Variants in PITPNC1 observed in about 807,000 individuals in gnomAD.
PITPNC1 encodes phosphatidylinositol transfer protein cytoplasmic 1, also known as cytoplasmic phosphatidylinositol transfer protein 1.
In PITPNC1, 18 loss-of-function variants were observed where a neutral mutation model predicts 44.7. The ratio of observed to expected loss-of-function variants is 0.40; its 90% CI spans 0.28 to 0.60. The LOEUF is 0.60. Among genes scored for constraint, PITPNC1 ranks in the 20% least tolerant of loss-of-function variants. PITPNC1 has a pLI of 0.39. For synonymous variants in PITPNC1, 141 were observed against 149.6 expected, an observed-to-expected ratio of 0.94 and a Z score of 0.42; for missense variants, 290 against 418.4, an observed-to-expected ratio of 0.69 and a Z score of 2.68.
intron 4 of PITPNC1, among the ~76,000 whole-genome samples, chr17:67,565,957 A>T (rs1470252800): frequency 1.3e-5 from 2 of 148,218 alleles, no homozygotes; most frequent in African/African-American, 5.0e-5. Flanking sequence ...TTTTCCATGT[A>T]TTTCAGTGTG....
intron 7 of PITPNC1, among the ~76,000 whole-genome samples, chr17:67,674,060 A>G (rs1174749529): frequency 6.6e-6 from 1 of 151,982 alleles, no homozygotes; most frequent in Non-Finnish European, 1.5e-5. Flanking sequence ...AGGTGTAAAC[A>G]TTTAGGGGGT....
intron 1 of PITPNC1, among the ~76,000 whole-genome samples, chr17:67,501,072 A>C (rs889708367): frequency 1.3e-5 from 2 of 152,146 alleles, no homozygotes; most frequent in Non-Finnish European, 2.9e-5. Context: ...AATGTTGGAC[A>C]CCAGTAAACA....
chr17:67,433,387 A>AT (rs2038885911), intron 1 of PITPNC1, among the ~76,000 whole-genome samples: 1 of 152,202 alleles, frequency 6.6e-6, no homozygotes, highest in African/African-American at 2.4e-5. Flanking sequence ...GCGCACAAAC[A>AT]CGGCTGTGCT....
intron 1 of PITPNC1, among the ~76,000 whole-genome samples, chr17:67,528,610 G>GA (rs1273752385): frequency 6.6e-6 from 1 of 152,124 alleles, no homozygotes; most frequent in Non-Finnish European, 1.5e-5. Context: ...TATAAAGGAG[G>GA]AAAAAAGAAA....
At chr17:67,552,750 G>A (rs2040784338) in intron 3 of PITPNC1, among the ~76,000 whole-genome samples, 1 of 149,678 alleles carries the variant, frequency 6.7e-6, no homozygotes, top group African/African-American at 2.5e-5. Context: ...GGAGGTTGCA[G>A]TGAGCCAAGA....
At chr17:67,688,167 C>T (rs1334284478) in intron 8 of PITPNC1, among the ~76,000 whole-genome samples, 2 of 150,884 alleles carry the variant, frequency 1.3e-5, no homozygotes, top group African/African-American at 2.4e-5. Context: ...GGAGAAACCT[C>T]GTCTCTACTT....
chr17:67,667,108 G>A (rs1230808993), intron 6 of PITPNC1, among the ~76,000 whole-genome samples: 1 of 152,204 alleles, frequency 6.6e-6, no homozygotes, highest in African/African-American at 2.4e-5. Flanking sequence ...TCAGCCTGTA[G>A]ACTCCGCTGT....
intron 1 of PITPNC1, among the ~76,000 whole-genome samples, chr17:67,524,273 T>C (rs531458909): frequency 6.6e-6 from 1 of 152,050 alleles, no homozygotes; most frequent in Non-Finnish European, 1.5e-5. Context: ...CAAGATACCA[T>C]CTCTACAGAA....
At chr17:67,611,193 A>G (rs919318533) in intron 5 of PITPNC1, 1 of 152,228 alleles carries the variant, frequency 6.6e-6, no homozygotes, top group Non-Finnish European at 1.5e-5. Context: ...GCATAGATGA[A>G]TGAGATATAT....
At chr17:67,566,857 A>G (rs754536368) in intron 4 of PITPNC1, among the ~76,000 whole-genome samples, 19 of 152,182 alleles carry the variant, frequency 1.2e-4, no homozygotes, top group Non-Finnish European at 2.2e-4. Flanking sequence ...AAGAATCAGC[A>G]TGAGATCACA....
At chr17:67,688,199 G>A (rs1468807569) in intron 8 of PITPNC1, among the ~76,000 whole-genome samples, 1 of 151,584 alleles carries the variant, frequency 6.6e-6, no homozygotes, top group Non-Finnish European at 1.5e-5. Context: ...TTAGCTGGGT[G>A]TGGTGGCGCA....
chr17:67,510,074 G>A (rs988050064), intron 1 of PITPNC1, among the ~76,000 whole-genome samples: 4 of 152,226 alleles, frequency 2.6e-5, no homozygotes, highest in Non-Finnish European at 5.9e-5. Flanking sequence ...CTTCCAGTCA[G>A]TATCTTAGAT....
chr17:67,481,132 A>G (rs2039695820), intron 1 of PITPNC1, among the ~76,000 whole-genome samples: 1 of 152,224 alleles, frequency 6.6e-6, no homozygotes, highest in South Asian at 2.1e-4. Context: ...CCTTGAACCC[A>G]GGAGGCGGAG....
chr17:67,546,583 T>C (rs565332367), intron 2 of PITPNC1, among the ~76,000 whole-genome samples: 3 of 152,346 alleles, frequency 2.0e-5, no homozygotes, highest in African/African-American at 7.2e-5. Context: ...GTGTCCTGTG[T>C]CGCCTTGCCA....
intron 1 of PITPNC1, among the ~76,000 whole-genome samples, chr17:67,477,004 T>C (rs185026439): frequency 6.6e-6 from 1 of 152,334 alleles, no homozygotes; most frequent in East Asian, 1.9e-4. Flanking sequence ...TTCCTGTGCA[T>C]GGCGAAGTTT....
intron 4 of PITPNC1, among the ~76,000 whole-genome samples, chr17:67,576,401 T>C (rs1384009872): frequency 2.0e-5 from 3 of 152,084 alleles, no homozygotes; most frequent in African/African-American, 7.2e-5. Context: ...CAGGAATAAA[T>C]GAGTGAGAGC....
chr17:67,407,189 TG>T (rs1376511730), intron 1 of PITPNC1, among the ~76,000 whole-genome samples: 1 of 152,242 alleles, frequency 6.6e-6, no homozygotes, highest in East Asian at 1.9e-4. Flanking sequence ...TCTGTCTTTT[TG>T]GTCCTAGCCA....
At chr17:67,458,616 T>G (rs1156835497) in intron 1 of PITPNC1, among the ~76,000 whole-genome samples, 1 of 152,222 alleles carries the variant, frequency 6.6e-6, no homozygotes, top group Admixed American at 6.5e-5. Flanking sequence ...ACACTTACAT[T>G]GTACTCCCTC....
intron 5 of PITPNC1, among the ~76,000 whole-genome samples, chr17:67,623,331 A>G (rs2041857262): frequency 1.3e-5 from 2 of 151,718 alleles, no homozygotes; most frequent in African/African-American, 4.8e-5. Context: ...CTTCCCCACC[A>G]CCTGCCCAGC....
Sources: allele counts gnomAD v4.1 joint callset (sites outside exome capture counted in the v4.1 genomes callset), GRCh38; gene constraint gnomAD v4.1.1; transcripts MANE v1.5; gene names NCBI Gene and HGNC (gene_info 2026-07-23, HGNC 2026-07-21).